The following CRYBG1 variants were observed in gnomAD, a reference collection of about 807,000 sequenced individuals.
CRYBG1 encodes crystallin beta-gamma domain containing 1.
A neutral mutation model predicts 189.2 loss-of-function variants in CRYBG1; 139 were observed. The ratio of observed to expected loss-of-function variants is 0.73; its 90% confidence interval spans 0.64 to 0.85. The LOEUF is 0.85. Ranked by LOEUF, CRYBG1 falls within the 40% of genes least tolerant of loss-of-function variation. CRYBG1 has a pLI of 0.00. For missense variants in CRYBG1, 2,611 were observed against 2,675.8 expected (o/e 0.98, Z 0.53); for synonymous variants, 1,023 against 1,017.1 (o/e 1.01, Z -0.11).
chr6:106,376,793 C>G (rs1770172399), intron 1 of CRYBG1, among the ~76,000 whole-genome samples: 1 of 152,148 alleles, frequency 6.6e-6, no homozygotes, highest in African/African-American at 2.4e-5. Flanking sequence ...CTGCTGAGAA[C>G]CTGGCTGACA....
chr6:106,481,130 C>A (rs907625007), intron 2 of CRYBG1, among the ~76,000 whole-genome samples: 1 of 105,040 alleles, frequency 9.5e-6, no homozygotes, highest in African/African-American at 4.0e-5. Context: ...CCCGCCACCA[C>A]GCCCGGCTAA....
At chr6:106,482,546 G>C (rs11961477) in intron 2 of CRYBG1, among the ~76,000 whole-genome samples, 8,180 of 152,100 alleles carry the variant, frequency 0.054, 742 homozygotes, top group African/African-American at 0.19. Context: ...GAGGCCGAGG[G>C]GGGTGAATCA....
At chr6:106,541,458 CG>C in intron 9 of CRYBG1, 127 bp from the exon 10 acceptor site, 1 of 905,920 alleles carries the variant, frequency 1.1e-6, no homozygotes, top group South Asian at 1.4e-5. Flanking sequence ...AACTATCTCA[CG>C]TAAGTTAAAA....
intron 2 of CRYBG1, among the ~76,000 whole-genome samples, chr6:106,479,622 GGTGT>G: frequency 6.6e-6 from 1 of 152,102 alleles, no homozygotes; most frequent in Non-Finnish European, 1.5e-5. Flanking sequence ...CATCCTAGTG[GGTGT>G]GAAATAGTAT....
chr6:106,497,102 T>C (rs1020956447), intron 2 of CRYBG1, among the ~76,000 whole-genome samples: 3 of 152,110 alleles, frequency 2.0e-5, no homozygotes, highest in Non-Finnish European at 4.4e-5. Context: ...AGGAAATTTC[T>C]CACCATCAGC....
intron 8 of CRYBG1, among the ~76,000 whole-genome samples, chr6:106,537,088 A>G (rs1774021574): frequency 6.6e-6 from 1 of 152,184 alleles, no homozygotes; most frequent in Non-Finnish European, 1.5e-5. Context: ...TTTTTTCACA[A>G]ATTCCCCTCT....
intron 1 of CRYBG1, among the ~76,000 whole-genome samples, chr6:106,445,550 C>G (rs372432281): frequency 1.1e-3 from 171 of 152,310 alleles, no homozygotes; most frequent in African/African-American, 3.9e-3. Context: ...CAGGACATGT[C>G]AACTGACATT....
intron 1 of CRYBG1, among the ~76,000 whole-genome samples, chr6:106,435,986 T>C (rs757245261): frequency 6.6e-6 from 1 of 152,202 alleles, no homozygotes; most frequent in Non-Finnish European, 1.5e-5. Flanking sequence ...AAATTGAGAC[T>C]GGCAGGCAAA....
At position 106,520,483 on chromosome 6, in the gene CRYBG1, C is replaced by T. The variant is rs747848536; in HGVS notation, c.3275C>T (p.Ala1092Val). 6.2e-7 allele frequency: 1 copy of T among 1,614,130 alleles called. No individual in the cohort carries two copies. The highest frequency in any genetic ancestry group is 1.7e-5 in the Admixed American group (1 of 60,012). The stretch of plus-strand genomic sequence containing the variant: ...CCTGCCAGCCTTTTGAACATTTCTG[C>T]TGGTAGTGATGATAGTGTATTTGAT... ...DSPASLLNIS[A>V]GSDDSVFDSS... The change falls in exon 4 of 22, where the codon GCT (alanine) becomes GTT (valine). Residue 1092 changes from alanine (A) to valine (V), a missense_variant. Ala to Val is a moderately conservative substitution (Grantham distance 64). Around this residue, in one of 3 missense-constraint regions of CRYBG1, gnomAD observed 1,622 missense variants for 1,735.0 expected, o/e 0.93. Transcript: ENST00000633556.
intron 2 of CRYBG1, among the ~76,000 whole-genome samples, chr6:106,474,271 G>C (rs1057507537): frequency 6.6e-6 from 1 of 152,208 alleles, no homozygotes; most frequent in African/African-American, 2.4e-5. Context: ...TTGAAGCCAA[G>C]AGTTCGAGGC....
chr6:106,519,156 C>T lies in CRYBG1; in HGVS notation c.1948C>T (p.Leu650=). 6.2e-7 allele frequency: 1 copy of T among 1,613,764 alleles called. No individual in the cohort carries two copies. Among genetic ancestry groups the T allele is most frequent in the South Asian group, 1.1e-5 (1 of 91,034 alleles). Residue 650 remains leucine, a synonymous_variant, in exon 4 of 22, where the codon CTA becomes TTA. Coordinates refer to ENST00000633556, the MANE Select transcript of CRYBG1 (RefSeq NM_001371242.2). ...CCCTGCCAAGCCCAAACATGTGGAA[C>T]TAAATCTTAAAACCCCTAAGAATCT... is the stretch of plus-strand genomic sequence containing the variant. ...TLPAKPKHVE[L]NLKTPKNLDS... is the part of the protein sequence containing the mutation.
chr6:106,460,647 G>A (rs974028483), intron 2 of CRYBG1, among the ~76,000 whole-genome samples: 2 of 152,078 alleles, frequency 1.3e-5, no homozygotes, highest in Admixed American at 6.5e-5. Flanking sequence ...GAGCAGGAGT[G>A]GGGCTTTTGA....
intron 21 of CRYBG1, among the ~76,000 whole-genome samples, chr6:106,567,342 T>C (rs1398356268): frequency 6.6e-6 from 1 of 152,192 alleles, no homozygotes; most frequent in East Asian, 1.9e-4. Context: ...TATTCTATAG[T>C]ACATCTAGCC....
At chr6:106,517,376 A>G (rs561680325) in intron 3 of CRYBG1, among the ~76,000 whole-genome samples, 1 of 72,378 alleles carries the variant, frequency 1.4e-5, no homozygotes, top group African/African-American at 4.9e-5. Flanking sequence ...ATATACACAC[A>G]CACATATACA....
rs373655771 is a variant in CRYBG1, at chr6:106,429,637, A to T, written c.174-22057A>T. Among the ~76,000 whole-genome samples the T allele has an allele frequency of 3.9e-5, 6 of 152,362 alleles. No homozygotes were observed. In the East Asian group the frequency reaches 7.7e-4, roughly 20 times the overall value. On this transcript the variant is annotated intron_variant, in intron 1 of 21. Coordinates refer to ENST00000633556, the MANE Select transcript of CRYBG1 (RefSeq NM_001371242.2). ...GTGGAGGCCTTATAGTACAGTAAAT[A>T]GTTAAACAGCTTTCAGATCACGCCG... is the stretch of plus-strand genomic sequence containing the variant.
At chr6:106,547,006 T>G (rs566404765) in intron 13 of CRYBG1, among the ~76,000 whole-genome samples, 2 of 152,328 alleles carry the variant, frequency 1.3e-5, no homozygotes, top group South Asian at 4.1e-4. Flanking sequence ...CAATCTCCTT[T>G]CCTTTTTAAC....
chr6:106,493,881 G>C (rs894251211), intron 2 of CRYBG1, among the ~76,000 whole-genome samples: 3 of 152,112 alleles, frequency 2.0e-5, no homozygotes, highest in African/African-American at 7.2e-5. Context: ...GGGTTGATCT[G>C]TGCAGCTAAC....
chr6:106,534,837 G>A (rs13202166), intron 8 of CRYBG1, among the ~76,000 whole-genome samples: 37,661 of 151,888 alleles, frequency 0.25, 5,142 homozygotes, highest in South Asian at 0.37. Flanking sequence ...GGGTGGAAGT[G>A]GGGGGTGGTA....
At chr6:106,376,818 G>A (rs1036707513) in intron 1 of CRYBG1, among the ~76,000 whole-genome samples, 1 of 152,156 alleles carries the variant, frequency 6.6e-6, no homozygotes, top group South Asian at 2.1e-4. Flanking sequence ...AATCCAAGTG[G>A]TACGCTCTTT....
Sources: allele counts gnomAD v4.1 joint callset (sites outside exome capture counted in the v4.1 genomes callset), GRCh38; gene constraint gnomAD v4.1.1; regional missense constraint gnomAD v4.1.1; transcripts MANE v1.5; gene names NCBI Gene and HGNC (gene_info 2026-07-23, HGNC 2026-07-21).